RPS6KA2: variants seen among roughly 807,000 people sequenced by gnomAD.
The protein encoded by RPS6KA2 is ribosomal protein S6 kinase A2, also known as ribosomal protein S6 kinase alpha-2.
RPS6KA2 carries 42 observed loss-of-function variants against 91.8 expected under a neutral mutation model. The observed-to-expected ratio is 0.46, with a 90% CI of 0.36 to 0.59. The LOEUF (loss-of-function observed/expected upper bound fraction) is 0.59, where lower values mean the gene tolerates loss of function less well. Ranked by LOEUF, RPS6KA2 falls within the 20% of genes least tolerant of loss-of-function variation. The pLI is 0.00. For synonymous variants in RPS6KA2, 414 were observed against 393.6 expected (o/e 1.05, Z -0.61); for missense variants, 798 against 978.5 (o/e 0.82, Z 2.46).
At chr6:166,542,762 C>T (rs1783702982) in intron 1 of RPS6KA2, among the ~76,000 whole-genome samples, 1 of 152,194 alleles carries the variant, frequency 6.6e-6, no homozygotes, top group Non-Finnish European at 1.5e-5. Flanking sequence ...GCATGCCTCT[C>T]TCTGGGCCAA....
chr6:166,469,105 G>A lies in RPS6KA2; in HGVS notation c.972+736C>T, dbSNP rs534428939. ...GGAACAGCCTCCGAGTTTTAGCCGC[G>A]AGAACTCCCTGTGTGGGGGACGCGT... On this transcript the variant is annotated intron_variant, in intron 11 of 20. Coordinates refer to ENST00000265678, the MANE Select transcript of RPS6KA2 (RefSeq NM_021135.6). Among the ~76,000 whole-genome samples the A allele has an allele frequency of 6.6e-5, 10 of 152,288 alleles. 1 individual carries two copies. In the South Asian group the frequency reaches 1.5e-3, roughly 22 times the overall value.
chr6:166,858,788 T>A (rs1484152848), intron 1 of RPS6KA2, among the ~76,000 whole-genome samples: 2 of 152,234 alleles, frequency 1.3e-5, no homozygotes, highest in East Asian at 3.9e-4. Context: ...GCACAAGGTT[T>A]AAGTGGAACC....
chr6:166,695,948 C>T (rs1351591967), intron 2 of RPS6KA2, among the ~76,000 whole-genome samples: 4 of 152,166 alleles, frequency 2.6e-5, no homozygotes, highest in African/African-American at 7.2e-5. Context: ...CTGTGAACTG[C>T]GCATGCGGGA....
At chr6:166,777,119 C>A (rs777089506) in intron 2 of RPS6KA2, among the ~76,000 whole-genome samples, 2 of 152,080 alleles carry the variant, frequency 1.3e-5, no homozygotes, top group East Asian at 3.9e-4. Context: ...AAGAGCTGGA[C>A]CTGAGGTTGC....
At chr6:166,833,196 T>C (rs958496643) in intron 2 of RPS6KA2, among the ~76,000 whole-genome samples, 4 of 152,144 alleles carry the variant, frequency 2.6e-5, no homozygotes, top group Non-Finnish European at 4.4e-5. Flanking sequence ...AGTGGTGAAA[T>C]AGACTCACAG....
intron 2 of RPS6KA2, among the ~76,000 whole-genome samples, chr6:166,652,968 G>A (rs1212708329): frequency 6.6e-6 from 1 of 152,220 alleles, no homozygotes; most frequent in Non-Finnish European, 1.5e-5. Context: ...ATTTGCCAGG[G>A]CACCCACTGT....
At position 166,796,421 on chromosome 6, in the gene RPS6KA2, T is replaced by G. The variant is rs146139199; in HGVS notation, c.123+61779A>C. Among the ~76,000 whole-genome samples the G allele has an allele frequency of 1.5e-3, 233 of 152,146 alleles. 1 individual carries two copies. The highest frequency in any genetic ancestry group is 5.2e-3 in the African/African-American group (215 of 41,514). ...CTGGCCAACATGATAAAACCCTGTCTCTATTAAAAACACAAAAATTAGCTG... is the reference window on the plus strand; with the variant it reads ...CTGGCCAACATGATAAAACCCTGTCGCTATTAAAAACACAAAAATTAGCTG... On this transcript the variant is annotated intron_variant, in intron 2 of 21. Coordinates refer to the RPS6KA2 transcript ENST00000503859.
At chr6:166,595,524 G>C (rs1440637033) in intron 1 of RPS6KA2, among the ~76,000 whole-genome samples, 1 of 152,226 alleles carries the variant, frequency 6.6e-6, no homozygotes. Context: ...ATATGCTTGT[G>C]ATTGGAAGCC....
chr6:166,564,005 C>T (rs889775658), intron 1 of RPS6KA2, among the ~76,000 whole-genome samples: 2 of 152,176 alleles, frequency 1.3e-5, no homozygotes, highest in African/African-American at 2.4e-5. Context: ...TTCAGCACTG[C>T]GGTTCCTTGC....
At position 166,830,138 on chromosome 6, in the gene RPS6KA2, A is replaced by AAG. The variant is rs202007852; in HGVS notation, c.123+28061_123+28062insCT. ...AAAACTCCATTTCAAAAAAAAAAAA[A>AAG]AAAGAAAGAAAGAAAGAAAGAAAGA... On this transcript the variant is annotated intron_variant, in intron 2 of 21. Transcript: ENST00000503859. Among the ~76,000 whole-genome samples, 230 of 129,054 alleles carry AAG rather than the reference A, an allele frequency of 1.8e-3. 5 individuals carry two copies. In the East Asian group the frequency reaches 0.043, roughly 24 times the overall value. 84.7% of individuals were successfully genotyped at this position (129,054 alleles called of 152,430 possible). A position where few individuals can be genotyped will look rare whatever the true frequency, so the allele number is the denominator to read the frequency against.
intron 1 of RPS6KA2, among the ~76,000 whole-genome samples, chr6:166,585,237 C>T (rs1053583277): frequency 2.0e-5 from 3 of 152,188 alleles, no homozygotes; most frequent in Admixed American, 6.5e-5. Context: ...GGCTGGGAAA[C>T]GAAGCCGTCC....
intron 10 of RPS6KA2, among the ~76,000 whole-genome samples, chr6:166,478,785 G>C (rs532310619): frequency 1.3e-5 from 2 of 152,240 alleles, no homozygotes; most frequent in East Asian, 1.9e-4. Context: ...CTCTCTGCTT[G>C]TTTATGTGTT....
chr6:166,826,980 T>C (rs996741475), intron 2 of RPS6KA2, among the ~76,000 whole-genome samples: 1 of 152,192 alleles, frequency 6.6e-6, no homozygotes, highest in Admixed American at 6.5e-5. Context: ...ACCTTTAACA[T>C]AGAAGCAGAG....
rs559193338 is a variant in RPS6KA2 at position 166,585,583 on chromosome 6, A to G, written c.99+41338T>C. ...AGAGACTCAAGTGTGGAGCTGACTC[A>G]TCTATAGATTAAGGAATCACAAAGT... On this transcript the variant is annotated intron_variant, in intron 1 of 20. Transcript: ENST00000265678. Among the ~76,000 whole-genome samples the G allele has an allele frequency of 6.9e-5, 6 of 87,134 alleles. No individual in the cohort carries two copies. In the East Asian group the frequency reaches 1.7e-3, roughly 24 times the overall value. 57.2% of individuals were successfully genotyped at this position (87,134 alleles called of 152,430 possible). A position where few individuals can be genotyped will look rare whatever the true frequency, so the allele number is the denominator to read the frequency against.
intron 2 of RPS6KA2, among the ~76,000 whole-genome samples, chr6:166,824,886 T>A (rs76404403): frequency 0.021 from 3,244 of 152,246 alleles, 116 homozygotes; most frequent in East Asian, 0.16. Flanking sequence ...TGTCTGTATG[T>A]ATGTCTGTGT....
In RPS6KA2 at chr6:166,451,323, G is replaced by A. The variant is rs1362923702; in HGVS notation, c.1076-90C>T. 3 of 1,429,756 alleles carry A rather than the reference G, an allele frequency of 2.1e-6. No homozygotes were observed. In the East Asian group the frequency reaches 7.0e-5, roughly 33 times the overall value. 88.6% of individuals were successfully genotyped at this position (1,429,756 alleles called of 1,614,324 possible). A position where few individuals can be genotyped will look rare whatever the true frequency, so the allele number is the denominator to read the frequency against. On this transcript the variant is annotated intron_variant, in intron 12 of 20. Coordinates refer to ENST00000265678, the MANE Select transcript of RPS6KA2 (RefSeq NM_021135.6). Reference sequence around the variant, plus strand: ...GTGTGTGTGTGCATGTGGTATGTGTGTGCAAGTCCGTGTGTGTGTGTGTGT... The same window carrying A: ...GTGTGTGTGTGCATGTGGTATGTGTATGCAAGTCCGTGTGTGTGTGTGTGT...
At position 166,493,725 on chromosome 6, in the gene RPS6KA2, G is replaced by A. The variant is rs1781686025; in HGVS notation, c.748-2984C>T. ...GCAGTGCTTCTCAACTGGGGTCACC[G>A]TTGCCTGCCAGGGGACATTTCCGGC... is the stretch of plus-strand genomic sequence containing the variant. On this transcript the variant is annotated intron_variant, in intron 8 of 20. Transcript: ENST00000265678. This position sits in a 1 kb window ranked among gnomAD's most constrained non-coding sequence, Gnocchi z 4.7. Among the ~76,000 whole-genome samples the A allele has an allele frequency of 6.6e-6, 1 of 152,182 alleles. No individual in the cohort carries two copies. The highest frequency in any genetic ancestry group is 1.5e-5 in the Non-Finnish European group (1 of 68,042).
chr6:166,647,748 G>GCA lies in RPS6KA2; in HGVS notation c.124-108966_124-108965dup, dbSNP rs756662534. The stretch of plus-strand genomic sequence containing the variant: ...CTATACCCACAGGACACACATACAT[G>GCA]CACACACACACACACGCACATGCTC... On this transcript the variant is annotated intron_variant, in intron 2 of 21. Coordinates refer to the RPS6KA2 transcript ENST00000503859. Among the ~76,000 whole-genome samples, 1,155 of 150,702 alleles carry GCA rather than the reference G, an allele frequency of 7.7e-3. 14 individuals are homozygous for GCA. The highest frequency in any genetic ancestry group is 0.024 in the African/African-American group (994 of 41,118).
intron 2 of RPS6KA2, among the ~76,000 whole-genome samples, chr6:166,744,961 A>G (rs1420624626): frequency 6.6e-6 from 1 of 152,066 alleles, no homozygotes; most frequent in African/African-American, 2.4e-5. Context: ...GCTGCGTAAC[A>G]AATAACAGAG....
Sources: gnomAD v4.1 joint callset for allele counts (sites outside exome capture counted in the v4.1 genomes callset) on GRCh38, gnomAD v4.1.1 for gene constraint, Gnocchi (gnomAD v3.1) non-coding constraint, MANE v1.5 for transcripts, NCBI Gene and HGNC (gene_info 2026-07-23, HGNC 2026-07-21) for gene names.